The following SEPTIN10 variants were observed in gnomAD, a reference collection of about 807,000 sequenced individuals.
The protein encoded by SEPTIN10 is septin-10.
In SEPTIN10, 66 loss-of-function variants were observed where a neutral mutation model predicts 54.8. The observed-to-expected ratio is 1.21, with a 90% CI of 0.99 to 1.48. SEPTIN10 has a LOEUF of 1.48. SEPTIN10 is among the 40% of genes most tolerant of loss of function. The pLI is 0.00. For missense variants in SEPTIN10, 620 were observed against 545.6 expected (o/e 1.14, Z -1.36); for synonymous variants, 161 against 181.0 (o/e 0.89, Z 0.89).
intron 8 of SEPTIN10, among the ~76,000 whole-genome samples, chr2:109,563,118 C>T (rs551649716): frequency 3.3e-5 from 5 of 152,252 alleles, no homozygotes; most frequent in African/African-American, 4.8e-5. Flanking sequence ...ACCATGTTGG[C>T]CAGGCTGGTC....
chr2:109,568,371 A>ACC (rs1687569904), intron 5 of SEPTIN10, among the ~76,000 whole-genome samples: 1 of 141,644 alleles, frequency 7.1e-6, no homozygotes, highest in Non-Finnish European at 1.5e-5. Flanking sequence ...CAGCCACACA[A>ACC]TCTTTTTTTT....
chr2:109,546,869 A>G (rs957740964), intron 9 of SEPTIN10, among the ~76,000 whole-genome samples: 1 of 152,228 alleles, frequency 6.6e-6, no homozygotes, highest in Non-Finnish European at 1.5e-5. Context: ...AACATTGCCT[A>G]CATAGCCAAT....
rs926932106 is a variant in SEPTIN10 at position 109,585,038 on chromosome 2, G to A, written c.413+88C>T. 12 of 655,560 alleles carry A rather than the reference G, an allele frequency of 1.8e-5. No homozygotes were observed. The Admixed American group carries it at 2.9e-4, about 16-fold the overall frequency. The allele number at this position is 655,560 out of a possible 1,614,324, so 40.6% of individuals were successfully genotyped here. On this transcript the variant is annotated intron_variant, in intron 4 of 10. Coordinates refer to ENST00000397712, the MANE Select transcript of SEPTIN10 (RefSeq NM_144710.5). ...GAAGGAAAGGTATGGATTACCATAG[G>A]AGAAAATCAAATCATAGTTCATGGG... is the stretch of plus-strand genomic sequence containing the variant.
intron 4 of SEPTIN10, among the ~76,000 whole-genome samples, chr2:109,583,854 G>A (rs1283484400): frequency 6.6e-6 from 1 of 152,138 alleles, no homozygotes; most frequent in African/African-American, 2.4e-5. Flanking sequence ...GATGAAGCTG[G>A]AGGCCGTTAT....
At position 109,613,892 on chromosome 2, in the gene SEPTIN10, A is replaced by ACGG. The variant is rs1257014662; in HGVS notation, c.-68_-66dup. On this transcript the variant is annotated 5_prime_UTR_variant, in exon 1 of 11. Coordinates refer to ENST00000397712, the MANE Select transcript of SEPTIN10 (RefSeq NM_144710.5). ...CGGCCCCGAGCGGCTGGTCCCGGCG[A>ACGG]CGGCGGCGGGAAGGCCGGAGGGCAG... 6 of 1,218,250 alleles carry ACGG rather than the reference A, an allele frequency of 4.9e-6. No homozygotes were observed. The highest frequency in any genetic ancestry group is 5.1e-6 in the Non-Finnish European group (5 of 980,124). The allele number at this position is 1,218,250 out of a possible 1,614,324, so 75.5% of individuals were successfully genotyped here. A position where few individuals can be genotyped will look rare whatever the true frequency, so the allele number is the denominator to read the frequency against.
intron 1 of SEPTIN10, among the ~76,000 whole-genome samples, chr2:109,595,234 T>C (rs763098743): frequency 6.6e-6 from 1 of 152,140 alleles, no homozygotes; most frequent in African/African-American, 2.4e-5. Context: ...ATGACACTTG[T>C]CAGTTGGAAG....
At chr2:109,584,832 ATAAT>A (rs1478074302) in intron 4 of SEPTIN10, among the ~76,000 whole-genome samples, 1 of 152,186 alleles carries the variant, frequency 6.6e-6, no homozygotes, top group African/African-American at 2.4e-5. Flanking sequence ...GAAAATTAGT[ATAAT>A]TAATATACAC....
chr2:109,547,282 T>C (rs763881008), intron 9 of SEPTIN10, among the ~76,000 whole-genome samples: 11 of 152,066 alleles, frequency 7.2e-5, no homozygotes, highest in Non-Finnish European at 1.5e-4. Flanking sequence ...GAAGATGCTA[T>C]AGAAGGTAGA....
At chr2:109,549,671 G>A (rs1026816011) in intron 9 of SEPTIN10, among the ~76,000 whole-genome samples, 2 of 152,052 alleles carry the variant, frequency 1.3e-5, no homozygotes, top group African/African-American at 2.4e-5. Flanking sequence ...CCTTTTCCAC[G>A]GGGGATACAT....
intron 1 of SEPTIN10, chr2:109,613,281 T>A (rs979984210): frequency 1.0e-4 from 82 of 809,492 alleles, no homozygotes; most frequent in Non-Finnish European, 1.3e-4. Flanking sequence ...TACAAAAGAG[T>A]CAAGGCGGGA....
chr2:109,574,722 A>T lies in SEPTIN10; in HGVS notation c.459T>A (p.Tyr153Ter), dbSNP rs764633806. Residue 153 changes from tyrosine to a stop codon, truncating the protein, a stop_gained, in exon 5 of 11, where the codon TAT becomes TAA. Coordinates refer to ENST00000397712, the MANE Select transcript of SEPTIN10 (RefSeq NM_144710.5). LOFTEE classifies it high-confidence loss of function. ...GCTTAATCTTCAGTTCTTCTTGGAG[A>T]TAGGCCTCAAACTGAGCATCTATGT... is the stretch of plus-strand genomic sequence containing the variant. ...VDYIDAQFEA[Y>*]LQEELKIKRS... 1.2e-6 allele frequency: 2 copies of T among 1,604,658 alleles called. No homozygotes were observed. The highest frequency in any genetic ancestry group is 8.5e-7 in the Non-Finnish European group (1 of 1,175,636).
intron 10 of SEPTIN10, chr2:109,545,475 T>G (rs572232181): frequency 6.5e-7 from 1 of 1,536,186 alleles, no homozygotes; most frequent in South Asian, 1.2e-5. Context: ...TCTGCGTCTT[T>G]ACGTCCACCA....
chr2:109,585,966 T>G (rs1053750815), intron 2 of SEPTIN10, 128 bp from the exon 3 acceptor site: 1 of 644,420 alleles, frequency 1.6e-6, no homozygotes, highest in African/African-American at 1.8e-5. Flanking sequence ...ATACCTCACC[T>G]AAGATACAAG....
chr2:109,598,713 C>T (rs1302227855), intron 1 of SEPTIN10, among the ~76,000 whole-genome samples: 1 of 151,614 alleles, frequency 6.6e-6, no homozygotes, highest in African/African-American at 2.4e-5. Context: ...CATGGCAGTG[C>T]ATGCCTGTAA....
chr2:109,591,425 G>T (rs959140518), intron 2 of SEPTIN10, among the ~76,000 whole-genome samples: 5 of 152,138 alleles, frequency 3.3e-5, no homozygotes, highest in Non-Finnish European at 7.3e-5. Context: ...CCACTGGATG[G>T]ACTAGTCACT....
chr2:109,549,107 G>A (rs1296716921), intron 9 of SEPTIN10, among the ~76,000 whole-genome samples: 1 of 152,152 alleles, frequency 6.6e-6, no homozygotes, highest in Non-Finnish European at 1.5e-5. Flanking sequence ...TTAGGTATGT[G>A]TGTGTGTTTA....
At chr2:109,597,864 T>C (rs1695646590) in intron 1 of SEPTIN10, among the ~76,000 whole-genome samples, 1 of 152,190 alleles carries the variant, frequency 6.6e-6, no homozygotes, top group Admixed American at 6.5e-5. Flanking sequence ...CAATTCATCC[T>C]AGGGCCCTTG....
At chr2:109,577,157 T>C (rs1030807723) in intron 4 of SEPTIN10, among the ~76,000 whole-genome samples, 1 of 152,118 alleles carries the variant, frequency 6.6e-6, no homozygotes, top group Non-Finnish European at 1.5e-5. Flanking sequence ...TGGAATGATA[T>C]TTCCAATGGA....
chr2:109,598,735 C>A (rs1695885464), intron 1 of SEPTIN10, among the ~76,000 whole-genome samples: 1 of 151,790 alleles, frequency 6.6e-6, no homozygotes, highest in Admixed American at 6.6e-5. Flanking sequence ...CCCAGCTACT[C>A]AGGAGGCTAG....
Sources: allele counts gnomAD v4.1 joint callset (sites outside exome capture counted in the v4.1 genomes callset), GRCh38; gene constraint gnomAD v4.1.1; transcripts MANE v1.5; gene names NCBI Gene and HGNC (gene_info 2026-07-23, HGNC 2026-07-21).